ESRRB: variants seen among roughly 807,000 people sequenced by gnomAD.
ESRRB encodes estrogen related receptor beta.
ESRRB carries 16 observed loss-of-function variants against 46.0 expected under a neutral mutation model. That is an observed-to-expected ratio of 0.35 (90% CI 0.24 to 0.53). ESRRB has a LOEUF of 0.53. Ranked by LOEUF, ESRRB falls within the 20% of genes least tolerant of loss-of-function variation. The pLI is 0.93. For missense variants in ESRRB, 488 were observed against 607.4 expected, an observed-to-expected ratio of 0.80 and a Z score of 2.07; for synonymous variants, 246 against 259.6, an observed-to-expected ratio of 0.95 and a Z score of 0.50.
intron 1 of ESRRB, among the ~76,000 whole-genome samples, chr14:76,403,850 C>G (rs1886048157): frequency 6.6e-6 from 1 of 152,148 alleles, no homozygotes. Flanking sequence ...CCTCAGCCTC[C>G]TGGGATTACA....
intron 1 of ESRRB, among the ~76,000 whole-genome samples, chr14:76,392,409 C>T (rs1207418099): frequency 3.9e-5 from 6 of 152,158 alleles, no homozygotes; most frequent in African/African-American, 9.7e-5. Context: ...TTAATCTTTA[C>T]AGTAATACCT....
rs1414566395 is a variant in ESRRB, at chr14:76,462,601, C to T, written c.517C>T (p.Arg173Cys). 3.7e-6 allele frequency: 6 copies of T among 1,614,080 alleles called. No homozygotes were observed. The highest frequency in any genetic ancestry group is 1.3e-5 in the African/African-American group (1 of 75,044). The change falls in exon 3 of 7, where the codon CGC (arginine) becomes TGC (cysteine). Residue 173 changes from arginine (R) to cysteine (C), a missense_variant. By Grantham distance (180) the Arg-to-Cys change is radical (BLOSUM62 -3). Transcript: ENST00000644823. ...CGAGTGCGAGATCACCAAACGGAGG[C>T]GCAAGTCCTGCCAGGCCTGCCGCTT... ...TNECEITKRRRKSCQACRFMK... is the reference protein window; with the variant it reads ...TNECEITKRRCKSCQACRFMK...
intron 1 of ESRRB, among the ~76,000 whole-genome samples, chr14:76,330,541 C>T (rs549522127): frequency 8.5e-5 from 13 of 152,298 alleles, no homozygotes; most frequent in Admixed American, 6.5e-4. Context: ...GTGTACTTGC[C>T]CTGACCACTT....
At chr14:76,417,995 A>G (rs1886780713) in intron 1 of ESRRB, among the ~76,000 whole-genome samples, 1 of 124,960 alleles carries the variant, frequency 8.0e-6, no homozygotes, top group Non-Finnish European at 1.6e-5. Flanking sequence ...TGGCTCTGTC[A>G]CCCAGGCTGG....
intron 1 of ESRRB, among the ~76,000 whole-genome samples, chr14:76,425,684 C>T (rs1887167123): frequency 6.6e-6 from 1 of 152,168 alleles, no homozygotes; most frequent in African/African-American, 2.4e-5. Context: ...CTCCCCTGAC[C>T]CACCACGCTG....
rs529469106 is a variant in ESRRB, at chr14:76,438,853, C to A, written c.51-488C>A. ...TGTTGCTCTACCACCCATGCTGGAA[C>A]GTAGGGGTGCGATCATAGCTCACTA... On this transcript the variant is annotated intron_variant, in intron 1 of 6. Coordinates refer to ENST00000644823, the MANE Select transcript of ESRRB (RefSeq NM_001379180.1). 2.6e-5 allele frequency among the ~76,000 whole-genome samples: 4 copies of A among 152,154 alleles called. No homozygotes were observed. In the South Asian group the frequency reaches 8.3e-4, roughly 32 times the overall value.
chr14:76,479,675 G>C (rs1889729016), intron 3 of ESRRB, among the ~76,000 whole-genome samples: 1 of 152,132 alleles, frequency 6.6e-6, no homozygotes, highest in Admixed American at 6.5e-5. Context: ...AGGCGCTGCT[G>C]GTCTGATCAG....
upstream of ESRRB, among the ~76,000 whole-genome samples, chr14:76,373,824 C>T (rs530973002): frequency 5.5e-4 from 84 of 152,304 alleles, no homozygotes; most frequent in African/African-American, 2.0e-3. Context: ...CATGCCTGAA[C>T]CTTAGAGGCA....
chr14:76,486,828 G>A (rs1210762117), intron 5 of ESRRB, among the ~76,000 whole-genome samples: 6 of 152,130 alleles, frequency 3.9e-5, no homozygotes, highest in African/African-American at 7.2e-5. Context: ...AGACCCTCCC[G>A]GTAGCCTCTT....
At chr14:76,331,061 T>C (rs1440187288) in intron 1 of ESRRB, among the ~76,000 whole-genome samples, 2 of 151,968 alleles carry the variant, frequency 1.3e-5, no homozygotes, top group Non-Finnish European at 2.9e-5. Context: ...TTGGGGGAGA[T>C]GGCCAAGATA....
rs533308539 is a variant in ESRRB at position 76,497,018 on chromosome 14, C to T, written c.1121-1196C>T. 5.3e-5 allele frequency among the ~76,000 whole-genome samples: 8 copies of T among 152,206 alleles called. No homozygotes were observed. In the East Asian group the frequency reaches 1.3e-3, roughly 26 times the overall value. Reference sequence around the variant, plus strand: ...AATGTTATTTTATTTCATTTTTGGTCGAAGGCAGCTGCCAATTTTGTCCTC... The same window carrying T: ...AATGTTATTTTATTTCATTTTTGGTTGAAGGCAGCTGCCAATTTTGTCCTC... On this transcript the variant is annotated intron_variant, in intron 6 of 6. Coordinates refer to ENST00000644823, the MANE Select transcript of ESRRB (RefSeq NM_001379180.1).
chr14:76,432,927 A>C (rs756953189), intron 1 of ESRRB, among the ~76,000 whole-genome samples: 11 of 151,924 alleles, frequency 7.2e-5, no homozygotes, highest in Non-Finnish European at 1.3e-4. Flanking sequence ...TGCCCACCTT[A>C]GCCTCCCAAA....
At chr14:76,344,707 C>T (rs1323289202) in intron 1 of ESRRB, among the ~76,000 whole-genome samples, 1 of 152,038 alleles carries the variant, frequency 6.6e-6, no homozygotes, top group African/African-American at 2.4e-5. Flanking sequence ...AAAAAATTAG[C>T]CAGGCATGGT....
chr14:76,349,527 G>C (rs1884289452), intron 1 of ESRRB, among the ~76,000 whole-genome samples: 1 of 152,188 alleles, frequency 6.6e-6, no homozygotes, highest in African/African-American at 2.4e-5. Context: ...CCAGGGTCTA[G>C]AATGGTGCCT....
At chr14:76,440,774 T>C (rs7156789) in intron 2 of ESRRB, among the ~76,000 whole-genome samples, 73,859 of 151,318 alleles carry the variant, frequency 0.49, 20,787 homozygotes, top group African/African-American at 0.78. Flanking sequence ...CACACTGGCT[T>C]AAGTCTGTAA....
intron 1 of ESRRB, among the ~76,000 whole-genome samples, chr14:76,313,316 AT>A (rs34795014): frequency 6.7e-6 from 1 of 150,370 alleles, no homozygotes; most frequent in African/African-American, 2.5e-5. Flanking sequence ...CATCAAATTC[AT>A]TTTTTTTTTC....
chr14:76,357,050 G>C (rs1265421962), intron 1 of ESRRB, among the ~76,000 whole-genome samples: 1 of 152,130 alleles, frequency 6.6e-6, no homozygotes, highest in Admixed American at 6.5e-5. Context: ...TGGTGCCCCT[G>C]CCAAGCTATA....
intron 3 of ESRRB, among the ~76,000 whole-genome samples, chr14:76,469,626 T>G (rs542133434): frequency 6.6e-6 from 1 of 152,170 alleles, no homozygotes; most frequent in Non-Finnish European, 1.5e-5. Flanking sequence ...CAACCCACCT[T>G]AGCCCCTCAA....
At chr14:76,400,136 C>T (rs1218443553) in intron 1 of ESRRB, among the ~76,000 whole-genome samples, 3 of 152,196 alleles carry the variant, frequency 2.0e-5, no homozygotes, top group East Asian at 3.8e-4. Flanking sequence ...ATACACACCC[C>T]CTCCTGCTCC....
Sources: allele counts gnomAD v4.1 joint callset (sites outside exome capture counted in the v4.1 genomes callset), GRCh38; gene constraint gnomAD v4.1.1; transcripts MANE v1.5; gene names NCBI Gene and HGNC (gene_info 2026-07-23, HGNC 2026-07-21).